The following VCL variants were observed in gnomAD, a reference collection of about 807,000 sequenced individuals.
The protein encoded by VCL is epididymis luminal protein 114.
A neutral mutation model predicts 125.7 loss-of-function variants in VCL; 47 were observed. The ratio of observed to expected loss-of-function variants is 0.37; its 90% confidence interval spans 0.30 to 0.48. The LOEUF is 0.48. VCL is among the 20% of genes least tolerant of loss of function. The probability of loss-of-function intolerance (pLI) is 0.99; values close to 1 mark genes in which losing one functional copy is unlikely to be tolerated. For missense variants in VCL, 1,069 were observed against 1,455.5 expected, an observed-to-expected ratio of 0.73 and a Z score of 4.32; for synonymous variants, 458 against 514.6, an observed-to-expected ratio of 0.89 and a Z score of 1.49.
intron 1 of VCL, among the ~76,000 whole-genome samples, chr10:74,022,825 G>C (rs1167665210): frequency 6.6e-6 from 1 of 151,848 alleles, no homozygotes; most frequent in Admixed American, 6.6e-5. Flanking sequence ...ATTTTTAGTA[G>C]AGAAGGGGTT....
intron 15 of VCL, among the ~76,000 whole-genome samples, chr10:74,104,524 G>T (rs1005605708): frequency 6.6e-6 from 1 of 152,122 alleles, no homozygotes; most frequent in Non-Finnish European, 1.5e-5. Context: ...TGCAGAACCT[G>T]CTGTGACTGG....
intron 2 of VCL, among the ~76,000 whole-genome samples, chr10:74,057,364 A>T (rs1841406921): frequency 6.6e-6 from 1 of 152,130 alleles, no homozygotes; most frequent in African/African-American, 2.4e-5. Flanking sequence ...TGATGCCTGA[A>T]ATTTTATATT....
chr10:74,074,731 T>G lies in VCL; in HGVS notation c.623-12T>G. On this transcript the variant is annotated splice_polypyrimidine_tract_variant and intron_variant, in intron 5 of 21. Coordinates refer to ENST00000211998, the MANE Select transcript of VCL (RefSeq NM_014000.3). ...AATTCCAAGCTTACTTTCTGATCTT[T>G]TATTTTTACAGCTATGAAGATTTTT... is the stretch of plus-strand genomic sequence containing the variant. 6.2e-7 allele frequency: 1 copy of G among 1,611,930 alleles called. No homozygotes were observed. The highest frequency in any genetic ancestry group is 8.5e-7 in the Non-Finnish European group (1 of 1,179,150).
Position 74,089,306 on chromosome 10 carries a change from C to T in VCL, c.1133C>T (p.Thr378Ile), listed in dbSNP as rs775148594. 3.1e-6 allele frequency: 5 copies of T among 1,614,132 alleles called. No homozygotes were observed. Among genetic ancestry groups the T allele is most frequent in the Non-Finnish European group, 4.2e-6 (5 of 1,180,030 alleles). ...ENAARKLEAM[T>I]NSKQSIAKKI... ...GCAGCTCGCAAGCTGGAAGCCATGA[C>T]CAACTCAAAGCAGAGCATTGCAAAG... is the stretch of plus-strand genomic sequence containing the variant. The change falls in exon 9 of 22, where the codon ACC (threonine) becomes ATC (isoleucine). Residue 378 changes from threonine to isoleucine, a missense_variant. Thr to Ile is a moderately conservative substitution (Grantham distance 89, BLOSUM62 -1). This residue lies in a region of VCL where 760 missense variants were observed against 928.9 expected (regional missense o/e 0.82). Transcript: ENST00000211998.
intron 1 of VCL, among the ~76,000 whole-genome samples, chr10:74,028,676 C>T (rs562341845): frequency 2.8e-4 from 43 of 152,090 alleles, no homozygotes; most frequent in African/African-American, 9.9e-4. Context: ...GGATTACAGG[C>T]GTGAGCTATG....
At chr10:74,023,186 T>C (rs1428572388) in intron 1 of VCL, among the ~76,000 whole-genome samples, 1 of 152,234 alleles carries the variant, frequency 6.6e-6, no homozygotes, top group East Asian at 1.9e-4. Context: ...AAAGGCTGCA[T>C]ATGTGATGAT....
chr10:74,066,063 T>TATATATATATATATATATATA (rs1297685805), intron 2 of VCL, among the ~76,000 whole-genome samples: 1 of 95,636 alleles, frequency 1.0e-5, no homozygotes, highest in East Asian at 2.2e-4. Context: ...ATATATATAT[T>TATATATATATATATATATATA]TTTTTTTTTT....
At position 74,097,100 on chromosome 10, in the gene VCL, A is replaced by G; in HGVS notation, c.1744-104A>G. ...TACACAGTTAACAAATATTTATTGAATGAAAGACTGAATAGATGAATGAAT... is the reference window on the plus strand; with the variant it reads ...TACACAGTTAACAAATATTTATTGAGTGAAAGACTGAATAGATGAATGAAT... On this transcript the variant is annotated intron_variant, in intron 12 of 21. Transcript: ENST00000211998. The surrounding 1 kb of genome is among the most constrained non-coding windows in gnomAD (Gnocchi z 4.1). 6.6e-7 allele frequency: 1 copy of G among 1,518,470 alleles called. No individual in the cohort carries two copies. Among genetic ancestry groups the G allele is most frequent in the South Asian group, 1.1e-5 (1 of 88,826 alleles). The allele number at this position is 1,518,470 out of a possible 1,614,324, so 94.1% of individuals were successfully genotyped here. A position where few individuals can be genotyped will look rare whatever the true frequency, so the allele number is the denominator to read the frequency against.
rs201189785 is a variant in VCL at position 74,120,023 on chromosome 10, A to ACAAAC, written c.*1854_*1855insCAAAC. The ACAAAC allele has an allele frequency of 6.7e-6, 1 of 149,852 alleles. No homozygotes were observed. Among genetic ancestry groups the ACAAAC allele is most frequent in the Non-Finnish European group, 1.5e-5 (1 of 67,938 alleles). The allele number at this position is 149,852 out of a possible 1,614,324, so 9.3% of individuals were successfully genotyped here. On this transcript the variant is annotated 3_prime_UTR_variant, in exon 22 of 22. Coordinates refer to ENST00000211998, the MANE Select transcript of VCL (RefSeq NM_014000.3). ...CAGTGAAGCAAATTAAAAAAAAAAA[A>ACAAAC]AAAAAAAATCCCTGAATGATGATTA...
At chr10:74,008,139 T>A (rs1397197544) in intron 1 of VCL, among the ~76,000 whole-genome samples, 1 of 152,168 alleles carries the variant, frequency 6.6e-6, no homozygotes, top group Non-Finnish European at 1.5e-5. Context: ...TGCATAGCAT[T>A]TATTTTTATT....
At chr10:74,042,867 A>C (rs557486261) in intron 1 of VCL, among the ~76,000 whole-genome samples, 19 of 152,328 alleles carry the variant, frequency 1.2e-4, no homozygotes, top group African/African-American at 4.6e-4. Flanking sequence ...GGAGTAATAC[A>C]ACATTATGTT....
chr10:74,066,063 T>TATATATATATATATATA (rs1297685805), intron 2 of VCL, among the ~76,000 whole-genome samples: 39 of 95,614 alleles, frequency 4.1e-4, no homozygotes, highest in Admixed American at 7.5e-4. Context: ...ATATATATAT[T>TATATATATATATATATA]TTTTTTTTTT....
At chr10:74,109,273 C>G in intron 18 of VCL, 117 bp downstream of exon 18, 1 of 1,293,576 alleles carries the variant, frequency 7.7e-7, no homozygotes, top group Non-Finnish European at 1.1e-6. Context: ...TCCTTTGGTT[C>G]CTGTGTTGCC....
At chr10:74,104,446 C>T (rs150881629) in intron 15 of VCL, among the ~76,000 whole-genome samples, 6 of 152,176 alleles carry the variant, frequency 3.9e-5, no homozygotes, top group African/African-American at 1.2e-4. Context: ...ACCTCTGAAT[C>T]GTCTTCATTC....
At chr10:74,063,016 G>C (rs1483341749) in intron 2 of VCL, among the ~76,000 whole-genome samples, 1 of 152,144 alleles carries the variant, frequency 6.6e-6, no homozygotes, top group Non-Finnish European at 1.5e-5. Context: ...GTTGCTTTGA[G>C]CCGAGATCGC....
rs555024916 is a variant in VCL at position 74,057,700 on chromosome 10, G to A, written c.240-12970G>A. Among the ~76,000 whole-genome samples, 3 of 152,286 alleles carry A rather than the reference G, an allele frequency of 2.0e-5. No individual in the cohort carries two copies. The South Asian group carries it at 6.2e-4, about 32-fold the overall frequency. ...TAATCCCAGCACTTTGGGAGGCTGA[G>A]GTGGCCAGATTGCTTGAGCCCAGGA... On this transcript the variant is annotated intron_variant, in intron 2 of 21. Coordinates refer to ENST00000211998, the MANE Select transcript of VCL (RefSeq NM_014000.3).
At chr10:74,087,408 T>C (rs1324618104) in intron 8 of VCL, among the ~76,000 whole-genome samples, 7 of 147,066 alleles carry the variant, frequency 4.8e-5, no homozygotes, top group African/African-American at 1.2e-4. Context: ...TGCAGTGGCG[T>C]GATCTCGGCT....
intron 2 of VCL, among the ~76,000 whole-genome samples, chr10:74,067,355 C>T (rs559621870): frequency 1.3e-5 from 2 of 151,670 alleles, no homozygotes; most frequent in South Asian, 2.1e-4. Context: ...TACCACTTCA[C>T]ACCTGCTAGG....
chr10:74,016,371 G>A (rs1840539082), intron 1 of VCL, among the ~76,000 whole-genome samples: 1 of 152,148 alleles, frequency 6.6e-6, no homozygotes, highest in African/African-American at 2.4e-5. Flanking sequence ...AGCACTTTGG[G>A]AGGCTGAGGC....
Sources: allele counts gnomAD v4.1 joint callset (sites outside exome capture counted in the v4.1 genomes callset), GRCh38; gene constraint gnomAD v4.1.1; regional missense constraint gnomAD v4.1.1; non-coding constraint Gnocchi (gnomAD v3.1); transcripts MANE v1.5; gene names NCBI Gene and HGNC (gene_info 2026-07-23, HGNC 2026-07-21).